Variants in RANBP9 observed in about 807,000 individuals in gnomAD.
The protein encoded by RANBP9 is ran-binding protein 9.
In RANBP9, 15 loss-of-function variants were observed where a neutral mutation model predicts 84.3. The observed-to-expected ratio is 0.18, with a 90% CI of 0.12 to 0.27. The LOEUF (loss-of-function observed/expected upper bound fraction) is 0.27, where lower values mean the gene tolerates loss of function less well. RANBP9 is among the 10% of genes least tolerant of loss of function. The probability of loss-of-function intolerance (pLI) is 1.00; values close to 1 mark genes in which losing one functional copy is unlikely to be tolerated. For synonymous variants in RANBP9, 392 were observed against 349.6 expected (o/e 1.12, Z -1.35); for missense variants, 809 against 912.8 (o/e 0.89, Z 1.46).
intron 1 of RANBP9, among the ~76,000 whole-genome samples, chr6:13,708,978 C>T (rs1288897160): frequency 6.6e-6 from 1 of 152,082 alleles, no homozygotes; most frequent in Non-Finnish European, 1.5e-5. Flanking sequence ...TCTGTTCTTC[C>T]AGAAATAATG....
intron 1 of RANBP9, among the ~76,000 whole-genome samples, chr6:13,707,740 T>C (rs559566633): frequency 1.1e-4 from 17 of 152,348 alleles, no homozygotes; most frequent in South Asian, 6.2e-4. Flanking sequence ...CTATAAAATA[T>C]CCAAATAGTG....
At chr6:13,703,378 A>G (rs1356693868) in intron 1 of RANBP9, among the ~76,000 whole-genome samples, 2 of 152,148 alleles carry the variant, frequency 1.3e-5, no homozygotes. Context: ...ATCAGTCACG[A>G]CCTAGACCTC....
chr6:13,677,129 A>C (rs1159443935), intron 2 of RANBP9, among the ~76,000 whole-genome samples: 1 of 152,184 alleles, frequency 6.6e-6, no homozygotes, highest in Non-Finnish European at 1.5e-5. Context: ...TGACAGAAAA[A>C]AACCTCTTGG....
chr6:13,706,047 G>A (rs1758109423), intron 1 of RANBP9, among the ~76,000 whole-genome samples: 1 of 151,928 alleles, frequency 6.6e-6, no homozygotes. Flanking sequence ...AGGTGGGAAA[G>A]ACAGAGTAAG....
At chr6:13,642,021 G>C (rs1584918251) in intron 7 of RANBP9, among the ~76,000 whole-genome samples, 2 of 152,078 alleles carry the variant, frequency 1.3e-5, no homozygotes, top group East Asian at 3.8e-4. Context: ...TGTTATACAG[G>C]ACCTGTTTTA....
chr6:13,673,143 C>G (rs1402273859), intron 2 of RANBP9, among the ~76,000 whole-genome samples: 1 of 151,814 alleles, frequency 6.6e-6, no homozygotes, highest in Non-Finnish European at 1.5e-5. Flanking sequence ...TGAAAGAAAT[C>G]AGGAAAAAAC....
At chr6:13,630,277 T>C (rs1349263455) in intron 12 of RANBP9, among the ~76,000 whole-genome samples, 1 of 152,202 alleles carries the variant, frequency 6.6e-6, no homozygotes, top group Non-Finnish European at 1.5e-5. Flanking sequence ...AAGACATCTA[T>C]ACTCTTTAAA....
Position 13,656,240 on chromosome 6 carries a change from A to G in RANBP9, c.904+869T>C, listed in dbSNP as rs1337495376. 3.9e-5 allele frequency among the ~76,000 whole-genome samples: 6 copies of G among 152,186 alleles called. 1 individual carries two copies. The highest frequency in any genetic ancestry group is 3.9e-4 in the Admixed American group (6 of 15,276). Reference sequence around the variant, plus strand: ...TAATTTCTAAATACTATTTGTAAATAGTTTCTGCCTTCTAGGGTTACTCAG... The same window carrying G: ...TAATTTCTAAATACTATTTGTAAATGGTTTCTGCCTTCTAGGGTTACTCAG... On this transcript the variant is annotated intron_variant, in intron 4 of 13. Transcript: ENST00000011619.
intron 2 of RANBP9, among the ~76,000 whole-genome samples, chr6:13,666,936 C>T (rs1765664172): frequency 1.3e-5 from 2 of 151,970 alleles, no homozygotes; most frequent in African/African-American, 4.8e-5. Context: ...TTTGTAATAC[C>T]AGTTGTGGCT....
chr6:13,623,002 T>C (rs764377406), intron 13 of RANBP9, among the ~76,000 whole-genome samples: 1 of 152,088 alleles, frequency 6.6e-6, no homozygotes, highest in Non-Finnish European at 1.5e-5. Context: ...GAGTAAGTGG[T>C]GGTGGTGACA....
intron 2 of RANBP9, among the ~76,000 whole-genome samples, chr6:13,666,600 C>CAAAAAAAAAAAAAAAAAAAAAAAAA (rs70989878): frequency 1.4e-4 from 6 of 43,696 alleles, no homozygotes; most frequent in Admixed American, 7.1e-4. Context: ...CCCGTCTCTC[C>CAAAAAAAAAAAAAAAAAAAAAAAAA]AAAAAAAAAA....
At chr6:13,657,425 A>G (rs1338997443) in intron 3 of RANBP9, 149 bp from the exon 4 acceptor site, 2 of 547,874 alleles carry the variant, frequency 3.7e-6, no homozygotes, top group Non-Finnish European at 2.9e-6. Context: ...CAATTACACT[A>G]CATAATTTAT....
chr6:13,641,846 G>A (rs1285609729), intron 7 of RANBP9, among the ~76,000 whole-genome samples: 1 of 152,142 alleles, frequency 6.6e-6, no homozygotes, highest in Non-Finnish European at 1.5e-5. Flanking sequence ...TGTAATCAGT[G>A]CTATTACAGC....
At position 13,644,531 on chromosome 6, in the gene RANBP9, T is replaced by G. The variant is rs772394708; in HGVS notation, c.1112+14A>C. The G allele has an allele frequency of 6.2e-7, 1 of 1,601,886 alleles. No homozygotes were observed. The highest frequency in any genetic ancestry group is 8.5e-7 in the Non-Finnish European group (1 of 1,173,800). The stretch of plus-strand genomic sequence containing the variant: ...GATTCTGAATAGCATCAATTGAAAT[T>G]TCTTCACTCTTACTTTTGTATCATG... On this transcript the variant is annotated intron_variant, in intron 6 of 13. Coordinates refer to ENST00000011619, the MANE Select transcript of RANBP9 (RefSeq NM_005493.3).
At chr6:13,634,948 G>A (rs1304860077) in intron 10 of RANBP9, among the ~76,000 whole-genome samples, 1 of 152,018 alleles carries the variant, frequency 6.6e-6, no homozygotes. Flanking sequence ...TTTCTAGTAT[G>A]TAAGGGGAAA....
chr6:13,637,767 A>C (rs753624529), intron 10 of RANBP9, 41 bp downstream of exon 10: 52 of 1,493,500 alleles, frequency 3.5e-5, no homozygotes, highest in Non-Finnish European at 4.6e-5. Context: ...ACCTATAACT[A>C]GGTTGCTTAT....
At chr6:13,681,694 A>T (rs1414260748) in intron 2 of RANBP9, among the ~76,000 whole-genome samples, 11 of 152,214 alleles carry the variant, frequency 7.2e-5, no homozygotes, top group Non-Finnish European at 1.6e-4. Context: ...CTCTACTTAC[A>T]GCCAACTAGT....
intron 9 of RANBP9, among the ~76,000 whole-genome samples, chr6:13,638,465 A>C (rs1045135609): frequency 1.3e-5 from 2 of 152,124 alleles, no homozygotes; most frequent in African/African-American, 4.8e-5. Flanking sequence ...AAGAATGTTA[A>C]ATGTACAAAG....
intron 4 of RANBP9, among the ~76,000 whole-genome samples, chr6:13,653,570 G>A (rs915888067): frequency 1.3e-5 from 2 of 152,076 alleles, no homozygotes; most frequent in African/African-American, 4.8e-5. Context: ...CTACAGTCTT[G>A]ATCACTATCT....
Sources: allele counts gnomAD v4.1 joint callset (sites outside exome capture counted in the v4.1 genomes callset), GRCh38; gene constraint gnomAD v4.1.1; transcripts MANE v1.5; gene names NCBI Gene and HGNC (gene_info 2026-07-23, HGNC 2026-07-21).